HDX: variants seen among roughly 807,000 people sequenced by gnomAD.
HDX encodes chromosome X open reading frame 43.
In HDX, 19 loss-of-function variants were observed where a neutral mutation model predicts 45.2. That is an observed-to-expected ratio of 0.42 (90% CI 0.29 to 0.62). The LOEUF is 0.62. Among genes scored for constraint, HDX ranks in the 20% least tolerant of loss-of-function variants. The pLI is 0.20. For synonymous variants in HDX, 188 were observed against 172.8 expected (o/e 1.09, Z -0.69); for missense variants, 532 against 493.9 (o/e 1.08, Z -0.73).
At position 84,344,354 on chromosome X, in the gene HDX, G is replaced by A; in HGVS notation, c.1556C>T (p.Ser519Phe). Residue 519 changes from serine (S) to phenylalanine (F), a missense_variant, in exon 7 of 11, where the codon TCT becomes TTT. Ser to Phe is a radical substitution (Grantham distance 155, BLOSUM62 -2). Coordinates refer to ENST00000373177, the MANE Select transcript of HDX (RefSeq NM_001177479.2). ...CTCTCCTGGTGTGAGTGCAGATAAA[G>A]AACCAGACTCAGGCTGCTCAGAGAA... The part of the protein sequence containing the change: ...ADFSEQPESG[S>F]LSALTPGEEA... The A allele has an allele frequency of 1.7e-6, 2 of 1,205,394 alleles. No homozygotes were observed. Among genetic ancestry groups the A allele is most frequent in the East Asian group, 3.0e-5 (1 of 33,769 alleles).
chrX:84,466,027 T>C (rs1380583648), intron 4 of HDX, among the ~76,000 whole-genome samples: 1 of 111,695 alleles, frequency 9.0e-6, no homozygotes, highest in African/African-American at 3.3e-5. Flanking sequence ...CTCTCTCAAG[T>C]CAGGTTGGCT....
chrX:84,457,845 G>T (rs369312325), intron 4 of HDX, among the ~76,000 whole-genome samples: 2 of 111,960 alleles, frequency 1.8e-5, no homozygotes, highest in African/African-American at 6.5e-5. Context: ...GTCATCACTC[G>T]TGCAAAATGT....
Position 84,468,628 on chromosome X carries a change from C to T in HDX, c.1095G>A (p.Leu365=). The T allele has an allele frequency of 1.7e-6, 2 of 1,207,054 alleles. No homozygotes were observed. The highest frequency in any genetic ancestry group is 2.2e-6 in the Non-Finnish European group (2 of 891,295). ...VNIRDMSDNV[L]YQNRNYHLTP... The stretch of plus-strand genomic sequence containing the variant: ...TCAAATGGTAGTTTCTGTTTTGATA[C>T]AGTACATTGTCTGACATATCTCTAA... The change falls in exon 4 of 11, where the codon CTG becomes CTA. Residue 365 remains leucine (L), a synonymous_variant. Transcript: ENST00000373177.
chrX:84,437,763 T>C (rs1421683815), intron 5 of HDX, among the ~76,000 whole-genome samples: 2 of 111,444 alleles, frequency 1.8e-5, no homozygotes, highest in Admixed American at 1.9e-4. Flanking sequence ...TTGCCCATTG[T>C]GGCTTGTTCC....
chrX:84,369,179 A>C (rs1426692476), intron 5 of HDX, among the ~76,000 whole-genome samples: 1 of 112,039 alleles, frequency 8.9e-6, no homozygotes, highest in Non-Finnish European at 1.9e-5. Flanking sequence ...ATTTGTGTTT[A>C]TGTAACTGGC....
intron 5 of HDX, among the ~76,000 whole-genome samples, chrX:84,404,895 A>G (rs1387649765): frequency 9.0e-6 from 1 of 111,338 alleles, no homozygotes; most frequent in Non-Finnish European, 1.9e-5. Context: ...GTAATTAAAT[A>G]GAGAATGAAG....
At chrX:84,440,955 C>T (rs745337366) in intron 4 of HDX, among the ~76,000 whole-genome samples, 9 of 110,711 alleles carry the variant, frequency 8.1e-5, no homozygotes, top group Admixed American at 7.7e-4. Context: ...AGTAGGCCCC[C>T]GTATCCACAG....
At chrX:84,370,265 C>T (rs914505516) in intron 5 of HDX, among the ~76,000 whole-genome samples, 3 of 111,587 alleles carry the variant, frequency 2.7e-5, no homozygotes, top group African/African-American at 9.8e-5. Context: ...TGGCTTTCCT[C>T]GTTCGCAGGC....
At chrX:84,473,666 G>C (rs1337161576) in intron 3 of HDX, among the ~76,000 whole-genome samples, 2 of 110,269 alleles carry the variant, frequency 1.8e-5, no homozygotes, top group African/African-American at 6.6e-5. Context: ...TAAGTTATGA[G>C]AAGTTTGCAA....
chrX:84,392,481 C>G, intron 5 of HDX, among the ~76,000 whole-genome samples: 1 of 111,086 alleles, frequency 9.0e-6, no homozygotes, highest in East Asian at 2.8e-4. Flanking sequence ...GTAGGGATTG[C>G]ATTGAATTTG....
At chrX:84,360,924 G>T (rs771733533) in intron 6 of HDX, among the ~76,000 whole-genome samples, 1 of 111,555 alleles carries the variant, frequency 9.0e-6, no homozygotes, top group African/African-American at 3.2e-5. Context: ...CTTTTGAGTA[G>T]ATTGAAATCC....
At chrX:84,431,475 A>C (rs1313796000) in intron 5 of HDX, among the ~76,000 whole-genome samples, 1 of 111,500 alleles carries the variant, frequency 9.0e-6, no homozygotes, top group Non-Finnish European at 1.9e-5. Context: ...CTAGCAGTGT[A>C]TAAGTGTTCC....
intron 2 of HDX, among the ~76,000 whole-genome samples, chrX:84,482,680 T>A (rs1602539761): frequency 9.0e-6 from 1 of 111,083 alleles, no homozygotes; most frequent in Non-Finnish European, 1.9e-5. Flanking sequence ...AACCATATTA[T>A]TCCGTCTCTG....
At chrX:84,339,559 T>C (rs1265575568) in intron 7 of HDX, among the ~76,000 whole-genome samples, 1 of 111,977 alleles carries the variant, frequency 8.9e-6, no homozygotes, top group Non-Finnish European at 1.9e-5. Context: ...TACAGTTGAA[T>C]AAGGAATGTT....
At chrX:84,479,107 ACT>A (rs1220216237) in intron 2 of HDX, among the ~76,000 whole-genome samples, 14 of 111,168 alleles carry the variant, frequency 1.3e-4, no homozygotes, top group African/African-American at 1.6e-4. Flanking sequence ...AGTAAAATTC[ACT>A]CTTTTTCATG....
chrX:84,377,921 A>G (rs989786413), intron 5 of HDX, among the ~76,000 whole-genome samples: 2 of 111,629 alleles, frequency 1.8e-5, no homozygotes, highest in Non-Finnish European at 3.8e-5. Context: ...ATCATCAACT[A>G]GATATAACCC....
At chrX:84,323,538 T>A (rs1247926257) in intron 10 of HDX, among the ~76,000 whole-genome samples, 1 of 111,688 alleles carries the variant, frequency 9.0e-6, no homozygotes, top group African/African-American at 3.2e-5. Flanking sequence ...AATTTCTAAT[T>A]TCTAGTGGGG....
intron 5 of HDX, among the ~76,000 whole-genome samples, chrX:84,403,606 C>T (rs2038753852): frequency 9.0e-6 from 1 of 111,422 alleles, no homozygotes; most frequent in South Asian, 3.7e-4. Flanking sequence ...ACAGAATTTT[C>T]AGTTGGCCAA....
chrX:84,465,663 C>A (rs1480421172), intron 4 of HDX, among the ~76,000 whole-genome samples: 2 of 111,410 alleles, frequency 1.8e-5, no homozygotes, highest in South Asian at 3.8e-4. Context: ...CACACTGGGG[C>A]CCGTTGGGGG....
Sources: gnomAD v4.1 joint callset for allele counts (sites outside exome capture counted in the v4.1 genomes callset) on GRCh38, gnomAD v4.1.1 for gene constraint, MANE v1.5 for transcripts, NCBI Gene and HGNC (gene_info 2026-07-23, HGNC 2026-07-21) for gene names.